The following VCP variants were observed in gnomAD, a reference collection of about 807,000 sequenced individuals.
The protein encoded by VCP is valosin containing protein, also known as transitional endoplasmic reticulum ATPase.
A neutral mutation model predicts 85.7 loss-of-function variants in VCP; 6 were observed. The ratio of observed to expected loss-of-function variants is 0.07; its 90% CI spans 0.04 to 0.14. The LOEUF (loss-of-function observed/expected upper bound fraction) is 0.14. Ranked by LOEUF, VCP falls within the 10% of genes least tolerant of loss-of-function variation. The pLI, the probability that VCP is intolerant of heterozygous loss-of-function variation, is 1.00. For missense variants in VCP, 353 were observed against 1,043.4 expected, an observed-to-expected ratio of 0.34 and a Z score of 9.12; for synonymous variants, 384 against 367.1, an observed-to-expected ratio of 1.05 and a Z score of -0.53.
rs1317596911 is a variant in VCP at position 35,068,369 on chromosome 9, G to A, written c.18-7C>T. The A allele has an allele frequency of 2.5e-6, 4 of 1,612,586 alleles. No homozygotes were observed. The highest frequency in any genetic ancestry group is 2.7e-5 in the African/African-American group (2 of 74,812). On this transcript the variant is annotated splice_region_variant and splice_polypyrimidine_tract_variant and intron_variant, in intron 1 of 16. Coordinates refer to ENST00000358901, the MANE Select transcript of VCP (RefSeq NM_007126.5). ...TAGGTCATCACCTTTTGAACTAGAAGGAGGAAATGGAGTCAGTAGATACTC... is the reference window on the plus strand; with the variant it reads ...TAGGTCATCACCTTTTGAACTAGAAAGAGGAAATGGAGTCAGTAGATACTC...
In VCP at chr9:35,056,736, G is replaced by A; in HGVS notation, c.*381C>T. Reference sequence around the variant, plus strand: ...TACCCACCTACCCAGGTTGGATAGGGGGAAGGGAGGGCTCGGGCAGCATTG... The same window carrying A: ...TACCCACCTACCCAGGTTGGATAGGAGGAAGGGAGGGCTCGGGCAGCATTG... On this transcript the variant is annotated 3_prime_UTR_variant, in exon 17 of 17. Coordinates refer to ENST00000358901, the MANE Select transcript of VCP (RefSeq NM_007126.5). The A allele has an allele frequency of 3.3e-6, 1 of 306,694 alleles. No homozygotes were observed. 19.0% of individuals were successfully genotyped at this position (306,694 alleles called of 1,614,324 possible).
intron 5 of VCP, among the ~76,000 whole-genome samples, chr9:35,064,714 C>A (rs562695875): frequency 6.6e-6 from 1 of 152,218 alleles, no homozygotes; most frequent in East Asian, 1.9e-4. Context: ...ATCAGCTTTA[C>A]TTCAAAAATG....
chr9:35,058,329 C>T (rs1217323482), intron 15 of VCP, among the ~76,000 whole-genome samples: 2 of 152,164 alleles, frequency 1.3e-5, no homozygotes, highest in Non-Finnish European at 2.9e-5. Flanking sequence ...AAGGGTAACA[C>T]AAGACATAGT....
In VCP at chr9:35,060,943, T is replaced by A. The variant is rs1179897856; in HGVS notation, c.1360-20A>T. ...GGCCCACTAGAAAAGGAGGGAAAACTGGGGATGAGACTTATCAAGGGAGGG... is the reference window on the plus strand; with the variant it reads ...GGCCCACTAGAAAAGGAGGGAAAACAGGGGATGAGACTTATCAAGGGAGGG... On this transcript the variant is annotated intron_variant, in intron 11 of 16. Coordinates refer to ENST00000358901, the MANE Select transcript of VCP (RefSeq NM_007126.5). The A allele has an allele frequency of 9.3e-6, 15 of 1,614,208 alleles. No individual in the cohort carries two copies. The highest frequency in any genetic ancestry group is 1.3e-5 in the Non-Finnish European group (15 of 1,180,036).
intron 6 of VCP, 22 bp from the exon 7 acceptor site, chr9:35,063,102 G>C (rs375568319): frequency 1.1e-5 from 17 of 1,611,928 alleles, no homozygotes; most frequent in Non-Finnish European, 1.2e-5. Context: ...TGCAGAGTGT[G>C]ATTAGGTTCC....
At chr9:35,057,888 G>A (rs148380532) in intron 15 of VCP, 2 of 367,866 alleles carry the variant, frequency 5.4e-6, no homozygotes, top group African/African-American at 2.1e-5. Flanking sequence ...ATGGTATATA[G>A]AAAGAGTGAA....
intron 1 of VCP, chr9:35,072,130 G>A (rs1828965471): frequency 7.3e-7 from 1 of 1,375,866 alleles, no homozygotes; most frequent in Non-Finnish European, 9.3e-7. Context: ...CCCAACGCAA[G>A]CCCCGCCTAG....
intron 4 of VCP, 112 bp downstream of exon 4, chr9:35,066,563 G>C: frequency 7.1e-7 from 1 of 1,412,202 alleles, no homozygotes; most frequent in African/African-American, 1.5e-5. Context: ...ATAAATACAG[G>C]GGAAAAGCAT....
rs1040434618 is a variant in VCP, at chr9:35,070,960, T to C, written c.17+1377A>G. 1.1e-4 allele frequency among the ~76,000 whole-genome samples: 17 copies of C among 152,182 alleles called. No homozygotes were observed. The South Asian group carries it at 1.9e-3, about 17-fold the overall frequency. On this transcript the variant is annotated intron_variant, in intron 1 of 16. Transcript: ENST00000358901. ...GGACACTCTTTGGGGCAATCCTCCA[T>C]TGTCTTCTGTATAAGTCAATCCCTT...
intron 3 of VCP, among the ~76,000 whole-genome samples, chr9:35,067,668 G>A (rs543997351): frequency 2.0e-5 from 3 of 152,282 alleles, no homozygotes; most frequent in Admixed American, 2.0e-4. Flanking sequence ...TTACAGGAAC[G>A]CCAATTTGTC....
rs879074973 is a variant in VCP, at chr9:35,072,568, T to TGGCAGCGGCAGC, written c.-227_-216dup. 2.1e-3 allele frequency: 1,105 copies of TGGCAGCGGCAGC among 532,126 alleles called. 1 individual carries two copies. The highest frequency in any genetic ancestry group is 5.1e-3 in the Middle Eastern group (10 of 1,958). The allele number at this position is 532,126 out of a possible 1,614,324, so 33.0% of individuals were successfully genotyped here. A position where few individuals can be genotyped will look rare whatever the true frequency, so the allele number is the denominator to read the frequency against. On this transcript the variant is annotated 5_prime_UTR_variant, in exon 1 of 17. Transcript: ENST00000358901. ...CTGATCCGCGAGGTGGCAGTGGCAG[T>TGGCAGCGGCAGC]GGCAGCGGCAGCGGCAGCGACGACT...
rs1215503670 is a variant in VCP at position 35,056,976 on chromosome 9, G to C, written c.*141C>G. The stretch of plus-strand genomic sequence containing the variant: ...TTGCAACAGAAACCCCCTGTCCAGA[G>C]TCAGACTGTAGCTGAACTGTTCAGA... On this transcript the variant is annotated 3_prime_UTR_variant, in exon 17 of 17. Transcript: ENST00000358901. The C allele has an allele frequency of 1.2e-6, 1 of 834,308 alleles. No homozygotes were observed. The highest frequency in any genetic ancestry group is 2.0e-6 in the Non-Finnish European group (1 of 494,952). The allele number at this position is 834,308 out of a possible 1,614,324, so 51.7% of individuals were successfully genotyped here.
chr9:35,071,999 G>A lies in VCP; in HGVS notation c.17+338C>T, dbSNP rs1026153349. On this transcript the variant is annotated intron_variant, in intron 1 of 16. Transcript: ENST00000358901. The stretch of plus-strand genomic sequence containing the variant: ...GACTGGCGCCCCAAAGCCCCGGGGC[G>A]CCGCGCCGGCGGAGTGGGCCGGAAG... 11 of 1,122,586 alleles carry A rather than the reference G, an allele frequency of 9.8e-6. No homozygotes were observed. In the Admixed American group the frequency reaches 2.1e-4, roughly 22 times the overall value. The allele number at this position is 1,122,586 out of a possible 1,614,324, so 69.5% of individuals were successfully genotyped here.
chr9:35,061,873 A>T, intron 9 of VCP, 130 bp downstream of exon 9: 1 of 1,542,012 alleles, frequency 6.5e-7, no homozygotes, highest in Non-Finnish European at 8.9e-7. Flanking sequence ...TCTAGACAGG[A>T]CGTAGGGTAA....
intron 1 of VCP, chr9:35,071,736 T>A: frequency 1.0e-6 from 1 of 988,282 alleles, no homozygotes; most frequent in South Asian, 4.5e-5. Flanking sequence ...ACGACTCAGG[T>A]CACACACAGA....
At chr9:35,064,363 A>AC (rs1828786733) in intron 5 of VCP, 78 bp from the exon 6 acceptor site, 1 of 1,589,550 alleles carries the variant, frequency 6.3e-7, no homozygotes, top group Non-Finnish European at 8.6e-7. Flanking sequence ...AAATCATTCC[A>AC]CTACCTAGTG....
intron 15 of VCP, chr9:35,057,744 C>T (rs1828639385): frequency 2.2e-5 from 14 of 639,724 alleles, no homozygotes; most frequent in South Asian, 2.1e-4. Flanking sequence ...ACAGAAATCA[C>T]ATCAGTGATG....
Position 35,056,815 on chromosome 9 carries a change from C to T in VCP, c.*302G>A. On this transcript the variant is annotated 3_prime_UTR_variant, in exon 17 of 17. Transcript: ENST00000358901. ...GGTGGCAGTAGTGCCTTGGTTCACA[C>T]CCCACACAGGTCCCCTGCACTGCCC... The T allele has an allele frequency of 2.5e-6, 1 of 397,934 alleles. No homozygotes were observed. The allele number at this position is 397,934 out of a possible 1,614,324, so 24.7% of individuals were successfully genotyped here. A position where few individuals can be genotyped will look rare whatever the true frequency, so the allele number is the denominator to read the frequency against.
rs1170092078 is a variant in VCP at position 35,060,964 on chromosome 9, G to A, written c.1360-41C>T. Reference sequence around the variant, plus strand: ...AAACTGGGGATGAGACTTATCAAGGGAGGGGTCAAAGCACGTATGTGTGTA... The same window carrying A: ...AAACTGGGGATGAGACTTATCAAGGAAGGGGTCAAAGCACGTATGTGTGTA... On this transcript the variant is annotated intron_variant, in intron 11 of 16. Coordinates refer to ENST00000358901, the MANE Select transcript of VCP (RefSeq NM_007126.5). The A allele has an allele frequency of 3.7e-6, 6 of 1,614,094 alleles. No individual in the cohort carries two copies. The African/African-American group carries it at 6.7e-5, about 18-fold the overall frequency.
Sources: allele counts gnomAD v4.1 joint callset (sites outside exome capture counted in the v4.1 genomes callset), GRCh38; gene constraint gnomAD v4.1.1; transcripts MANE v1.5; gene names NCBI Gene and HGNC (gene_info 2026-07-23, HGNC 2026-07-21).